SH3D19: variants seen among roughly 807,000 people sequenced by gnomAD.
The protein encoded by SH3D19 is SH3 domain-containing protein 19.
SH3D19 carries 58 observed loss-of-function variants against 112.1 expected under a neutral mutation model. The ratio of observed to expected loss-of-function variants is 0.52; its 90% CI spans 0.42 to 0.64. The LOEUF (loss-of-function observed/expected upper bound fraction) is 0.64. SH3D19 is among the 30% of genes least tolerant of loss of function. The pLI is 0.00. For missense variants in SH3D19, 1,090 were observed against 1,263.4 expected, an observed-to-expected ratio of 0.86 and a Z score of 2.08; for synonymous variants, 391 against 448.5, an observed-to-expected ratio of 0.87 and a Z score of 1.62.
At chr4:151,210,877 G>A in intron 2 of SH3D19, among the ~76,000 whole-genome samples, 1 of 151,904 alleles carries the variant, frequency 6.6e-6, no homozygotes, top group East Asian at 1.9e-4. Context: ...TTAATTGTTT[G>A]TTGTTGTTTT....
chr4:151,208,868 G>A lies in SH3D19; in HGVS notation c.152+17179C>T, dbSNP rs376739964. On this transcript the variant is annotated intron_variant, in intron 2 of 19. Coordinates refer to ENST00000604030, the MANE Select transcript of SH3D19 (RefSeq NM_001378122.1). ...AATTTTTTGTATTTTTAGTAGAGAC[G>A]GGGTTTCACCGTGTTAGCCAGGATG... 9.8e-4 allele frequency among the ~76,000 whole-genome samples: 149 copies of A among 151,320 alleles called. 1 individual carries two copies. Among genetic ancestry groups the A allele is most frequent in the Non-Finnish European group, 1.4e-3 (93 of 67,828 alleles).
intron 1 of SH3D19, among the ~76,000 whole-genome samples, chr4:151,237,549 T>C (rs1296455882): frequency 1.3e-5 from 2 of 152,178 alleles, no homozygotes; most frequent in African/African-American, 2.4e-5. Flanking sequence ...AGTTCTTCAC[T>C]ACTTATTACC....
intron 1 of SH3D19, among the ~76,000 whole-genome samples, chr4:151,252,104 T>C (rs149836148): frequency 2.6e-5 from 4 of 152,346 alleles, no homozygotes; most frequent in Non-Finnish European, 5.9e-5. Flanking sequence ...AGCTGGGATC[T>C]GTCCCCTGCT....
At chr4:151,281,804 C>G (rs1455163225) in intron 1 of SH3D19, among the ~76,000 whole-genome samples, 2 of 151,964 alleles carry the variant, frequency 1.3e-5, no homozygotes, top group African/African-American at 4.8e-5. Context: ...GTGCTCAGAA[C>G]AGAAATTAGT....
In SH3D19 at chr4:151,262,542, C is replaced by T. The variant is rs75672948; in HGVS notation, c.113-36456G>A. On this transcript the variant is annotated intron_variant, in intron 1 of 19. Coordinates refer to ENST00000604030, the MANE Select transcript of SH3D19 (RefSeq NM_001378122.1). ...CCTTGCCTTCCCCAGTGTGCTTCCT[C>T]CACTTCTCATATCTTCAGAGACCCT... Among the ~76,000 whole-genome samples, 534 of 152,350 alleles carry T rather than the reference C, an allele frequency of 3.5e-3. 4 individuals carry two copies. The highest frequency in any genetic ancestry group is 0.011 in the African/African-American group (469 of 41,588).
rs117926658 is a variant in SH3D19, at chr4:151,278,007, C to G, written c.112+47234G>C. 3.7e-3 allele frequency among the ~76,000 whole-genome samples: 556 copies of G among 152,278 alleles called. 23 individuals carry two copies. The East Asian group carries it at 0.091, about 25-fold the overall frequency. The stretch of plus-strand genomic sequence containing the variant: ...AGTAAGCCGAGATAGCGCCACTGCA[C>G]TCCAGCCTTAGCGACAGAGTAAGAC... On this transcript the variant is annotated intron_variant, in intron 1 of 19. Transcript: ENST00000604030.
chr4:151,304,959 T>TAAAACAAAAC (rs139381170), intron 1 of SH3D19, among the ~76,000 whole-genome samples: 1 of 151,994 alleles, frequency 6.6e-6, no homozygotes, highest in African/African-American at 2.4e-5. Flanking sequence ...GTTCTAGGCA[T>TAAAACAAAAC]AAAACAAAAC....
intron 1 of SH3D19, among the ~76,000 whole-genome samples, chr4:151,293,995 T>C (rs886425460): frequency 1.3e-5 from 2 of 152,196 alleles, no homozygotes; most frequent in African/African-American, 4.8e-5. Context: ...GCTATCCCCA[T>C]CTCTCCTAAC....
chr4:151,251,735 C>G (rs1771425115), intron 1 of SH3D19, among the ~76,000 whole-genome samples: 1 of 152,164 alleles, frequency 6.6e-6, no homozygotes, highest in African/African-American at 2.4e-5. Context: ...ACTCTCTGCT[C>G]TCTCCATGCC....
chr4:151,307,068 G>A (rs1264242026), intron 1 of SH3D19, among the ~76,000 whole-genome samples: 1 of 148,930 alleles, frequency 6.7e-6, no homozygotes, highest in Admixed American at 6.7e-5. Flanking sequence ...GCCCAGGCTG[G>A]AGTGCAGTGG....
intron 1 of SH3D19, among the ~76,000 whole-genome samples, chr4:151,309,310 C>T (rs17590928): frequency 0.57 from 86,198 of 152,102 alleles, 25,256 homozygotes; most frequent in African/African-American, 0.72. Context: ...GATAACTCAC[C>T]ACACTGTTCT....
chr4:151,124,744 A>G (rs1468137288), intron 19 of SH3D19, among the ~76,000 whole-genome samples: 1 of 152,142 alleles, frequency 6.6e-6, no homozygotes, highest in Admixed American at 6.6e-5. Flanking sequence ...AATTAGTTTT[A>G]TCTATTAACA....
In SH3D19 at chr4:151,159,222, T is replaced by C; in HGVS notation, c.1755+18A>G. 1.5e-6 allele frequency: 2 copies of C among 1,366,646 alleles called. No individual in the cohort carries two copies. The highest frequency in any genetic ancestry group is 2.0e-6 in the Non-Finnish European group (2 of 1,002,896). 84.7% of individuals were successfully genotyped at this position (1,366,646 alleles called of 1,614,324 possible). A position where few individuals can be genotyped will look rare whatever the true frequency, so the allele number is the denominator to read the frequency against. ...TAGCTACGTCTTCAATCTAGTACAA[T>C]CTATAATGACCACTTACCAAGTTTC... On this transcript the variant is annotated intron_variant, in intron 9 of 19. Transcript: ENST00000604030.
chr4:151,132,928 C>A, intron 16 of SH3D19, 106 bp downstream of exon 16: 1 of 967,850 alleles, frequency 1.0e-6, no homozygotes, highest in South Asian at 1.8e-5. Context: ...TTCCTTCTAC[C>A]GTAAAAATAT....
rs748661880 is a variant in SH3D19, at chr4:151,174,985, C to A, written c.1219G>T (p.Glu407Ter). The change falls in exon 7 of 20, where the codon GAG (glutamate) becomes TAG (stop). Residue 407 changes from glutamate (E) to a stop codon, truncating the protein, a stop_gained. Coordinates refer to ENST00000604030, the MANE Select transcript of SH3D19 (RefSeq NM_001378122.1). LOFTEE classifies it high-confidence loss of function. ...ACTTTCTTCCCACTATCAGAGCTCT[C>A]AGCCAGGGGCCCTCTTCCCGGAATC... The part of the protein sequence containing the change: ...PEIPGRGPLA[E>*]SSDSGKKVPT... 1.2e-6 allele frequency: 2 copies of A among 1,614,118 alleles called. No homozygotes were observed. Among genetic ancestry groups the A allele is most frequent in the African/African-American group, 2.7e-5 (2 of 74,948 alleles).
chr4:151,185,911 G>C (rs556269456), intron 3 of SH3D19, among the ~76,000 whole-genome samples: 1 of 152,184 alleles, frequency 6.6e-6, no homozygotes, highest in African/African-American at 2.4e-5. Context: ...ATGGTGGTGG[G>C]TGCCTGTAAT....
intron 1 of SH3D19, among the ~76,000 whole-genome samples, chr4:151,241,601 C>T (rs1770566181): frequency 6.9e-6 from 1 of 144,132 alleles, no homozygotes; most frequent in African/African-American, 2.9e-5. Context: ...GACTATGTTG[C>T]CCAGGCTGGT....
intron 2 of SH3D19, among the ~76,000 whole-genome samples, chr4:151,196,083 G>T (rs1467950321): frequency 6.6e-6 from 1 of 152,116 alleles, no homozygotes; most frequent in Admixed American, 6.5e-5. Context: ...AGACTGGCAG[G>T]GGACACTGCC....
At chr4:151,305,055 A>G (rs1477563000) in intron 1 of SH3D19, among the ~76,000 whole-genome samples, 1 of 152,228 alleles carries the variant, frequency 6.6e-6, no homozygotes, top group Non-Finnish European at 1.5e-5. Flanking sequence ...ATGCATGACA[A>G]AGAATATAGG....
Sources: gnomAD v4.1 joint callset for allele counts (sites outside exome capture counted in the v4.1 genomes callset) on GRCh38, gnomAD v4.1.1 for gene constraint, MANE v1.5 for transcripts, NCBI Gene and HGNC (gene_info 2026-07-23, HGNC 2026-07-21) for gene names.